The following PPARG variants were observed in gnomAD, a reference collection of about 807,000 sequenced individuals.
PPARG encodes the protein peroxisome proliferator activated receptor gamma, also known as peroxisome proliferator-activated receptor gamma.
A neutral mutation model predicts 39.2 loss-of-function variants in PPARG; 17 were observed. The observed-to-expected ratio is 0.43, with a 90% CI of 0.30 to 0.65. The LOEUF is 0.65. Ranked by LOEUF, PPARG falls within the 30% of genes least tolerant of loss-of-function variation. The probability of loss-of-function intolerance (pLI) is 0.13; values close to 1 mark genes in which losing one functional copy is unlikely to be tolerated. For synonymous variants in PPARG, 223 were observed against 215.7 expected, an observed-to-expected ratio of 1.03 and a Z score of -0.30; for missense variants, 406 against 585.9, an observed-to-expected ratio of 0.69 and a Z score of 3.17.
At chr3:12,413,315 G>A (rs1008490137) in intron 6 of PPARG, among the ~76,000 whole-genome samples, 1 of 152,170 alleles carries the variant, frequency 6.6e-6, no homozygotes, top group Non-Finnish European at 1.5e-5. Flanking sequence ...GGCAGACCAG[G>A]CCCACCCAGG....
At chr3:12,323,422 G>A (rs2047601370) in intron 2 of PPARG, among the ~76,000 whole-genome samples, 1 of 151,412 alleles carries the variant, frequency 6.6e-6, no homozygotes, top group Admixed American at 6.5e-5. Flanking sequence ...TTTAAAAGAG[G>A]AAGTTGAGCG....
rs185263675 is a variant in PPARG, at chr3:12,376,726, C to T, written c.-8-2978C>T. 9.2e-5 allele frequency among the ~76,000 whole-genome samples: 14 copies of T among 152,282 alleles called. No individual in the cohort carries two copies. The South Asian group carries it at 2.7e-3, about 29-fold the overall frequency. Reference sequence around the variant, plus strand: ...GCTTGATCAATACCAATTTGCTTCCCTCCTTCCCTGCCCCTTCTGCTGAAA... The same window carrying T: ...GCTTGATCAATACCAATTTGCTTCCTTCCTTCCCTGCCCCTTCTGCTGAAA... On this transcript the variant is annotated intron_variant, in intron 2 of 7. Coordinates refer to ENST00000651735, the MANE Select transcript of PPARG (RefSeq NM_138711.6).
upstream of PPARG, chr3:12,287,834 AC>A (rs2046542648): frequency 5.4e-5 from 1 of 18,424 alleles, no homozygotes; most frequent in African/African-American, 2.0e-4. Context: ...CCCCACCCCC[AC>A]CCCCACCCCC....
intron 2 of PPARG, among the ~76,000 whole-genome samples, chr3:12,317,895 G>T (rs2047432287): frequency 6.6e-6 from 1 of 152,150 alleles, no homozygotes; most frequent in South Asian, 2.1e-4. Context: ...AAGGCTTTGG[G>T]TGTATGATAG....
At chr3:12,427,945 C>T (rs751608896) in intron 7 of PPARG, among the ~76,000 whole-genome samples, 16 of 152,138 alleles carry the variant, frequency 1.1e-4, no homozygotes, top group Admixed American at 2.6e-4. Context: ...GCCCTAGGGA[C>T]AGTCGGTTTC....
intron 7 of PPARG, among the ~76,000 whole-genome samples, chr3:12,429,048 T>A (rs904235382): frequency 2.6e-5 from 4 of 152,148 alleles, no homozygotes; most frequent in Non-Finnish European, 4.4e-5. Context: ...TATGCAACTT[T>A]TCTCTGCTGC....
intron 1 of PPARG, among the ~76,000 whole-genome samples, chr3:12,298,795 A>G (rs554188232): frequency 4.6e-5 from 7 of 152,264 alleles, no homozygotes; most frequent in African/African-American, 1.7e-4. Context: ...CTTAGAGAAT[A>G]GATCTACTGA....
chr3:12,307,543 A>T (rs2047106908), intron 1 of PPARG, among the ~76,000 whole-genome samples: 1 of 152,180 alleles, frequency 6.6e-6, no homozygotes, highest in African/African-American at 2.4e-5. Flanking sequence ...AGAAAAGCAG[A>T]AGATTTGGGT....
chr3:12,322,555 A>G (rs942620541), intron 2 of PPARG, among the ~76,000 whole-genome samples: 1 of 152,210 alleles, frequency 6.6e-6, no homozygotes, highest in East Asian at 1.9e-4. Context: ...GCTTCATGAG[A>G]TGGTTGCACT....
intron 6 of PPARG, among the ~76,000 whole-genome samples, chr3:12,414,995 GAACA>G (rs1357932358): frequency 6.6e-6 from 1 of 152,132 alleles, no homozygotes; most frequent in Non-Finnish European, 1.5e-5. Context: ...CTCCAGTTTA[GAACA>G]AACTTAATCT....
At chr3:12,405,020 G>T (rs762915394) in intron 5 of PPARG, among the ~76,000 whole-genome samples, 6 of 152,154 alleles carry the variant, frequency 3.9e-5, no homozygotes, top group Admixed American at 1.3e-4. Flanking sequence ...TGATGGCCAG[G>T]TACCCTTATT....
At chr3:12,386,922 A>G (rs1166966728) in intron 4 of PPARG, among the ~76,000 whole-genome samples, 1 of 122,462 alleles carries the variant, frequency 8.2e-6, no homozygotes, top group Non-Finnish European at 1.6e-5. Flanking sequence ...CCCTGTGTCC[A>G]TGCATTCTCA....
Position 12,405,816 on chromosome 3 carries a change from A to G in PPARG, c.530-66A>G, listed in dbSNP as rs2050639214. 3.9e-6 allele frequency: 6 copies of G among 1,519,478 alleles called. No homozygotes were observed. The East Asian group carries it at 6.8e-5, about 17-fold the overall frequency. 94.1% of individuals were successfully genotyped at this position (1,519,478 alleles called of 1,614,324 possible). On this transcript the variant is annotated intron_variant, in intron 5 of 7. Coordinates refer to ENST00000651735, the MANE Select transcript of PPARG (RefSeq NM_138711.6). The stretch of plus-strand genomic sequence containing the variant: ...ACTGTGTGGGAACGAGGGCTGGGAG[A>G]GCACAGTGTGTGTTCAGAGCAGTAG...
rs368044128 is a variant in PPARG at position 12,392,461 on chromosome 3, A to G, written c.391-153A>G. ...TATAGCAGAGAACATTTAGTTCCAG[A>G]GAGGTTAAGTGACTTGTCTAAAGTC... On this transcript the variant is annotated intron_variant, in intron 4 of 7. Coordinates refer to ENST00000651735, the MANE Select transcript of PPARG (RefSeq NM_138711.6). Among the ~76,000 whole-genome samples, 5 of 152,318 alleles carry G rather than the reference A, an allele frequency of 3.3e-5. No homozygotes were observed. The East Asian group carries it at 7.7e-4, about 23-fold the overall frequency.
intron 1 of PPARG, among the ~76,000 whole-genome samples, chr3:12,309,696 T>C (rs6768049): frequency 0.25 from 38,310 of 152,120 alleles, 4,942 homozygotes; most frequent in East Asian, 0.33. Context: ...TTATTTCCAT[T>C]GTTAATTATT....
intron 7 of PPARG, among the ~76,000 whole-genome samples, chr3:12,419,405 T>A (rs2051186231): frequency 6.6e-6 from 1 of 152,180 alleles, no homozygotes; most frequent in Admixed American, 6.5e-5. Flanking sequence ...AAGAAAAATA[T>A]TAAATTTTGA....
chr3:12,328,216 G>A lies in PPARG; in HGVS notation c.-9+15763G>A, dbSNP rs148247026. On this transcript the variant is annotated intron_variant, in intron 2 of 7. Transcript: ENST00000651735. ...GAACAGAAAAAGTCCTACCTGGAGC[G>A]GAGCGTTAAGGAAGCTGAGAACAAC... 5.6e-4 allele frequency: 842 copies of A among 1,500,202 alleles called. 3 individuals are homozygous for A. In the African/African-American group the frequency reaches 8.0e-3, roughly 14 times the overall value. The allele number at this position is 1,500,202 out of a possible 1,614,324, so 92.9% of individuals were successfully genotyped here.
intron 2 of PPARG, among the ~76,000 whole-genome samples, chr3:12,347,972 G>T (rs113294194): frequency 2.6e-3 from 394 of 151,956 alleles, no homozygotes; most frequent in Non-Finnish European, 4.3e-3. Context: ...TATAGCAAAA[G>T]AAAAAAATAC....
chr3:12,431,318 A>C (rs75214769), intron 7 of PPARG, among the ~76,000 whole-genome samples: 2,106 of 152,356 alleles, frequency 0.014, 48 homozygotes, highest in African/African-American at 0.048. Context: ...TGTTTAGAAA[A>C]GAACTATGAG....
Sources: gnomAD v4.1 joint callset for allele counts (sites outside exome capture counted in the v4.1 genomes callset) on GRCh38, gnomAD v4.1.1 for gene constraint, MANE v1.5 for transcripts, NCBI Gene and HGNC (gene_info 2026-07-23, HGNC 2026-07-21) for gene names.